The following SLAMF9 variants were observed in gnomAD, a reference collection of about 807,000 sequenced individuals.
The protein encoded by SLAMF9 is SLAM family member 9.
In SLAMF9, 25 loss-of-function variants were observed where a neutral mutation model predicts 30.4. The observed-to-expected ratio is 0.82, with a 90% CI of 0.60 to 1.15. SLAMF9 has a LOEUF of 1.15. SLAMF9 is among the 50% of genes most tolerant of loss of function. SLAMF9 has a pLI of 0.00. For missense variants in SLAMF9, 344 were observed against 346.1 expected, an observed-to-expected ratio of 0.99 and a Z score of 0.05; for synonymous variants, 129 against 127.2, an observed-to-expected ratio of 1.01 and a Z score of -0.09.
At chr1:159,957,238 T>C (rs529453703), upstream of SLAMF9, among the ~76,000 whole-genome samples, 45 of 150,466 alleles carry the variant, frequency 3.0e-4, no homozygotes, top group Non-Finnish European at 1.3e-4. Context: ...GGTGGAAAGA[T>C]TTCAAAAGTC....
At chr1:159,959,207 T>C (rs902591266), upstream of SLAMF9, among the ~76,000 whole-genome samples, 20 of 152,200 alleles carry the variant, frequency 1.3e-4, no homozygotes, top group African/African-American at 4.8e-4. Flanking sequence ...TTGCACTCTG[T>C]GGGCCTCACA....
At chr1:159,958,783 T>C (rs1651982378), upstream of SLAMF9, among the ~76,000 whole-genome samples, 1 of 152,048 alleles carries the variant, frequency 6.6e-6, no homozygotes, top group Non-Finnish European at 1.5e-5. Flanking sequence ...TTTTCATTCT[T>C]GCTAATGGAT....
chr1:159,951,843 G>T lies in SLAMF9; in HGVS notation c.688C>A (p.Pro230Thr). ...GCCAGGAGGCAGAAGGCTGTTGAAG[G>T]CTTCTCAGAAGCATAGTTAGGATCT... ...YADPNYASEK[P>T]STAFCLLAKG... Residue 230 changes from proline to threonine, a missense_variant, in exon 4 of 4, where the codon CCT becomes ACT. Transcript: ENST00000368093. 3 of 1,614,136 alleles carry T rather than the reference G, an allele frequency of 1.9e-6. No homozygotes were observed. The highest frequency in any genetic ancestry group is 2.2e-5 in the East Asian group (1 of 44,878).
the SLAMF9 span, among the ~76,000 whole-genome samples, chr1:159,961,766 T>C: frequency 1.1e-4 from 16 of 152,084 alleles, no homozygotes; most frequent in South Asian, 3.3e-3. Context: ...GGCCGAGAGA[T>C]GGAGGCAGAG....
chr1:159,969,296 T>C, the SLAMF9 span, among the ~76,000 whole-genome samples: 1 of 152,166 alleles, frequency 6.6e-6, no homozygotes, highest in East Asian at 1.9e-4. Flanking sequence ...GTATAGTCCC[T>C]AACTCTTTGC....
At chr1:159,972,244 C>G in the SLAMF9 span, among the ~76,000 whole-genome samples, 1 of 152,226 alleles carries the variant, frequency 6.6e-6, no homozygotes, top group African/African-American at 2.4e-5. Context: ...CCTACAGCCT[C>G]ACTGCTGGAG....
chr1:159,956,445 G>A (rs1651924543), upstream of SLAMF9, among the ~76,000 whole-genome samples: 1 of 152,056 alleles, frequency 6.6e-6, no homozygotes, highest in Non-Finnish European at 1.5e-5. Flanking sequence ...CTCCAGCAGA[G>A]ACCACCCAGA....
the SLAMF9 span, among the ~76,000 whole-genome samples, chr1:159,970,919 C>T: frequency 5.3e-5 from 8 of 152,290 alleles, no homozygotes; most frequent in South Asian, 4.2e-4. Context: ...AGGAAAGAAG[C>T]GCACAGAGTC....
At chr1:159,964,017 G>A in the SLAMF9 span, among the ~76,000 whole-genome samples, 26 of 152,236 alleles carry the variant, frequency 1.7e-4, no homozygotes, top group Non-Finnish European at 3.1e-4. Flanking sequence ...CAGAGATCAC[G>A]CCACTACACT....
the SLAMF9 span, among the ~76,000 whole-genome samples, chr1:159,977,796 G>A: frequency 6.6e-6 from 1 of 152,182 alleles, no homozygotes; most frequent in Non-Finnish European, 1.5e-5. Context: ...TGTCCCCTCA[G>A]ACAGACATTT....
At chr1:159,976,138 T>C in the SLAMF9 span, among the ~76,000 whole-genome samples, 12 of 152,042 alleles carry the variant, frequency 7.9e-5, no homozygotes, top group African/African-American at 2.7e-4. Flanking sequence ...GTTTTTAACC[T>C]GTTGCTTTTT....
chr1:159,959,235 A>AT (rs1475786741), upstream of SLAMF9, among the ~76,000 whole-genome samples: 2 of 151,932 alleles, frequency 1.3e-5, no homozygotes, highest in Non-Finnish European at 1.5e-5. Flanking sequence ...AAGATGAACT[A>AT]TTTTTTGTTA....
chr1:159,981,363 T>G, the SLAMF9 span, among the ~76,000 whole-genome samples: 1 of 152,098 alleles, frequency 6.6e-6, no homozygotes, highest in African/African-American at 2.4e-5. Flanking sequence ...GAAATTAACT[T>G]CTGTTGTTTA....
upstream of SLAMF9, among the ~76,000 whole-genome samples, chr1:159,957,627 A>G (rs1382544420): frequency 6.6e-6 from 1 of 152,234 alleles, no homozygotes; most frequent in Non-Finnish European, 1.5e-5. Context: ...CATCTAAAAA[A>G]AAAATTGCTA....
At chr1:159,956,892 G>T (rs1651932080), upstream of SLAMF9, among the ~76,000 whole-genome samples, 1 of 151,802 alleles carries the variant, frequency 6.6e-6, no homozygotes, top group Non-Finnish European at 1.5e-5. Context: ...GGCCGAGGCG[G>T]GGGGATCACA....
the SLAMF9 span, chr1:159,972,986 C>T: frequency 1.6e-5 from 21 of 1,336,252 alleles, no homozygotes; most frequent in Non-Finnish European, 1.7e-5. Context: ...GCCACTCCCT[C>T]GCTCATTTAC....
chr1:159,969,203 G>A, the SLAMF9 span, among the ~76,000 whole-genome samples: 4,623 of 150,880 alleles, frequency 0.031, 99 homozygotes, highest in Non-Finnish European at 0.047. Flanking sequence ...AGTTTTCTAT[G>A]ATGGACAATT....
At chr1:159,951,952 G>A (rs1236034639) in intron 3 of SLAMF9, 86 bp from the exon 4 acceptor site, 2 of 1,143,270 alleles carry the variant, frequency 1.7e-6, no homozygotes, top group Non-Finnish European at 2.6e-6. Context: ...ATTTCATGAA[G>A]GGGTCTCAAG....
chr1:159,956,435 C>T (rs1651924403), upstream of SLAMF9, among the ~76,000 whole-genome samples: 1 of 152,036 alleles, frequency 6.6e-6, no homozygotes, highest in African/African-American at 2.4e-5. Flanking sequence ...TGCCACTGCA[C>T]TCCAGCAGAG....
Sources: allele counts gnomAD v4.1 joint callset (sites outside exome capture counted in the v4.1 genomes callset), GRCh38; gene constraint gnomAD v4.1.1; transcripts MANE v1.5; gene names NCBI Gene and HGNC (gene_info 2026-07-23, HGNC 2026-07-21).